The following POT1 variants were observed in gnomAD, a reference collection of about 807,000 sequenced individuals.
POT1 encodes protection of telomeres 1.
A neutral mutation model predicts 78.5 loss-of-function variants in POT1; 47 were observed. The observed-to-expected ratio is 0.60, with a 90% CI of 0.47 to 0.76. POT1 has a LOEUF of 0.76. Among genes scored for constraint, POT1 ranks in the 30% least tolerant of loss-of-function variants. POT1 has a pLI of 0.00. For synonymous variants in POT1, 259 were observed against 260.7 expected, an observed-to-expected ratio of 0.99 and a Z score of 0.06; for missense variants, 646 against 749.9, an observed-to-expected ratio of 0.86 and a Z score of 1.62.
At chr7:124,875,859 C>A (rs1217217779) in intron 6 of POT1, among the ~76,000 whole-genome samples, 1 of 152,140 alleles carries the variant, frequency 6.6e-6, no homozygotes, top group Non-Finnish European at 1.5e-5. Context: ...TTCCATTTTG[C>A]TAAAATGACT....
In POT1 at chr7:124,824,052, G is replaced by A. The variant is rs760056377; in HGVS notation, c.1815C>T (p.Cys605=). Residue 605 remains cysteine, a synonymous_variant, in exon 19 of 19, where the codon TGC becomes TGT. Transcript: ENST00000357628. ...IKIDAYPWLE[C]FIKSYNVTNG... ...TTGTGACATTGTATGACTTGATGAA[G>A]CATTCCAACCACGGATATGCATCTA... 6.2e-6 allele frequency: 10 copies of A among 1,604,758 alleles called. No homozygotes were observed. Among genetic ancestry groups the A allele is most frequent in the Middle Eastern group, 1.7e-4 (1 of 6,048 alleles).
At chr7:124,888,236 T>A (rs1796291435) in intron 6 of POT1, among the ~76,000 whole-genome samples, 1 of 152,142 alleles carries the variant, frequency 6.6e-6, no homozygotes, top group African/African-American at 2.4e-5. Context: ...TTCCCCATTA[T>A]ATATTCTTGC....
In POT1 at chr7:124,841,070, C is replaced by T. The variant is rs2116461581; in HGVS notation, c.1272G>A (p.Trp424Ter). Reference protein sequence around the residue: ...QNTSLYDSKIWTTKNQKGRKV... With the variant: ...QNTSLYDSKI ...TTCGTCCTTTTTGATTTTTAGTGGTCCAGATTTTTGAATCATATAATGATG... is the reference window on the plus strand; with the variant it reads ...TTCGTCCTTTTTGATTTTTAGTGGTTCAGATTTTTGAATCATATAATGATG... Residue 424 changes from tryptophan (W) to a stop codon, truncating the protein, a stop_gained, in exon 14 of 19, where the codon TGG becomes TGA. Transcript: ENST00000357628. LOFTEE classifies it high-confidence loss of function. The T allele has an allele frequency of 1.9e-6, 3 of 1,612,490 alleles. No individual in the cohort carries two copies. The highest frequency in any genetic ancestry group is 2.2e-5 in the South Asian group (2 of 91,024).
chr7:124,843,082 C>A, intron 12 of POT1, 119 bp from the exon 13 acceptor site: 1 of 731,706 alleles, frequency 1.4e-6, no homozygotes, highest in Non-Finnish European at 2.0e-6. Context: ...AGTGTCACTC[C>A]ATGAAAGGAA....
intron 5 of POT1, among the ~76,000 whole-genome samples, chr7:124,896,323 G>A (rs932027940): frequency 7.3e-5 from 11 of 151,516 alleles, no homozygotes; most frequent in Admixed American, 1.3e-4. Context: ...TTACAGGTTC[G>A]CAGATATATC....
intron 6 of POT1, among the ~76,000 whole-genome samples, chr7:124,883,534 T>C (rs1463316806): frequency 1.3e-5 from 2 of 152,058 alleles, no homozygotes; most frequent in East Asian, 1.9e-4. Context: ...CAAAACTATA[T>C]ATTTATTTAT....
chr7:124,908,393 C>G (rs1271148732), intron 3 of POT1, among the ~76,000 whole-genome samples: 1 of 151,926 alleles, frequency 6.6e-6, no homozygotes, highest in Non-Finnish European at 1.5e-5. Flanking sequence ...TCTTAAATTG[C>G]CTACAAATCA....
intron 14 of POT1, among the ~76,000 whole-genome samples, chr7:124,839,926 C>T (rs926624932): frequency 3.9e-5 from 6 of 151,936 alleles, no homozygotes; most frequent in Non-Finnish European, 8.8e-5. Context: ...AAACCATTAT[C>T]ACTCAAAGTC....
intron 2 of POT1, among the ~76,000 whole-genome samples, chr7:124,923,763 A>G (rs577391628): frequency 6.6e-6 from 1 of 151,866 alleles, no homozygotes; most frequent in East Asian, 1.9e-4. Flanking sequence ...AAAAAAAAAA[A>G]ATCTTAAAAT....
chr7:124,897,014 T>C, intron 5 of POT1, 151 bp downstream of exon 5: 1 of 399,354 alleles, frequency 2.5e-6, no homozygotes, highest in African/African-American at 2.1e-5. Flanking sequence ...TTATCAGCTA[T>C]AAAAAAGTAA....
At chr7:124,840,781 TTAAGA>T (rs1236554191) in intron 14 of POT1, 187 bp downstream of exon 14, 1 of 426,394 alleles carries the variant, frequency 2.3e-6, no homozygotes, top group East Asian at 4.2e-5. Flanking sequence ...TCAAATGTAA[TTAAGA>T]TAAATTTATG....
rs75154597 is a variant in POT1 at position 124,897,859 on chromosome 7, A to G, written c.-40+402T>C. On this transcript the variant is annotated intron_variant, in intron 4 of 18. Transcript: ENST00000357628. ...TGTGTGGAAGGTAGGGTGTTAAAAG[A>G]GGAAAGGAGAGGAAGGCCATCTTCA... is the stretch of plus-strand genomic sequence containing the variant. Among the ~76,000 whole-genome samples the G allele has an allele frequency of 1.9e-3, 283 of 152,056 alleles. 7 individuals carry two copies. In the East Asian group the frequency reaches 0.035, roughly 19 times the overall value.
chr7:124,847,442 T>C (rs773451179), intron 11 of POT1, among the ~76,000 whole-genome samples: 4 of 152,164 alleles, frequency 2.6e-5, no homozygotes, highest in Non-Finnish European at 5.9e-5. Context: ...TGCAGTGAGC[T>C]GAGATTGTGC....
At chr7:124,900,252 C>T (rs1254739198) in intron 3 of POT1, among the ~76,000 whole-genome samples, 1 of 152,018 alleles carries the variant, frequency 6.6e-6, no homozygotes, top group Non-Finnish European at 1.5e-5. Flanking sequence ...AGTGCTTTTC[C>T]ACATATATTC....
Position 124,822,697 on chromosome 7 carries a change from G to C in POT1, c.*1265C>G, listed in dbSNP as rs749845454. 11 of 283,468 alleles carry C rather than the reference G, an allele frequency of 3.9e-5. No homozygotes were observed. Among genetic ancestry groups the C allele is most frequent in the Middle Eastern group, 4.4e-4 (1 of 2,266 alleles). The allele number at this position is 283,468 out of a possible 1,614,324, so 17.6% of individuals were successfully genotyped here. On this transcript the variant is annotated 3_prime_UTR_variant, in exon 19 of 19. Coordinates refer to ENST00000357628, the MANE Select transcript of POT1 (RefSeq NM_015450.3). Reference sequence around the variant, plus strand: ...GTCTATATTCTTGAAAATAAAATCAGTCTTTCTCATTGTCTCAAACAAGCT... The same window carrying C: ...GTCTATATTCTTGAAAATAAAATCACTCTTTCTCATTGTCTCAAACAAGCT...
intron 6 of POT1, among the ~76,000 whole-genome samples, chr7:124,875,053 T>C (rs1243433581): frequency 6.6e-6 from 1 of 152,158 alleles, no homozygotes; most frequent in Non-Finnish European, 1.5e-5. Context: ...TTTTAGGTTT[T>C]AAGTTTCCTT....
At chr7:124,894,251 A>G (rs904676810) in intron 5 of POT1, among the ~76,000 whole-genome samples, 2 of 151,576 alleles carry the variant, frequency 1.3e-5, no homozygotes, top group African/African-American at 4.8e-5. Context: ...AAAGAAAGCT[A>G]GCTCATCAAT....
chr7:124,829,586 C>A (rs1192164075), intron 15 of POT1, among the ~76,000 whole-genome samples: 1 of 152,012 alleles, frequency 6.6e-6, no homozygotes, highest in African/African-American at 2.4e-5. Flanking sequence ...AAATTGAGAA[C>A]AGGGTGCTCG....
rs554161486 is a variant in POT1 at position 124,914,635 on chromosome 7, T to A, written c.-154+939A>T. On this transcript the variant is annotated intron_variant, in intron 3 of 18. Transcript: ENST00000357628. ...AAAAATGTTTTTTAAAAAATTATACTACAACAATAAATAATAATACAAATT... is the reference window on the plus strand; with the variant it reads ...AAAAATGTTTTTTAAAAAATTATACAACAACAATAAATAATAATACAAATT... Among the ~76,000 whole-genome samples, 41 of 152,314 alleles carry A rather than the reference T, an allele frequency of 2.7e-4. 1 individual carries two copies. The highest frequency in any genetic ancestry group is 9.1e-4 in the African/African-American group (38 of 41,574).
Sources: allele counts gnomAD v4.1 joint callset (sites outside exome capture counted in the v4.1 genomes callset), GRCh38; gene constraint gnomAD v4.1.1; transcripts MANE v1.5; gene names NCBI Gene and HGNC (gene_info 2026-07-23, HGNC 2026-07-21).